ROBO1: variants seen among roughly 807,000 people sequenced by gnomAD.
ROBO1 encodes the protein roundabout guidance receptor 1, also known as roundabout homolog 1.
ROBO1 carries 149 observed loss-of-function variants against 195.9 expected under a neutral mutation model. The ratio of observed to expected loss-of-function variants is 0.76; its 90% confidence interval spans 0.67 to 0.87. The LOEUF (loss-of-function observed/expected upper bound fraction) is 0.87. Among genes scored for constraint, ROBO1 ranks in the 40% least tolerant of loss-of-function variants. The pLI, the probability that ROBO1 is intolerant of heterozygous loss-of-function variation, is 0.00. For synonymous variants in ROBO1, 816 were observed against 733.2 expected (o/e 1.11, Z -1.82); for missense variants, 1,933 against 2,068.3 (o/e 0.93, Z 1.27).
rs1381655116 is a variant in ROBO1 at position 79,116,393 on chromosome 3, CCTTCCTTG to C, written c.172+9055_172+9062del. 3.4e-5 allele frequency among the ~76,000 whole-genome samples: 5 copies of C among 146,760 alleles called. No individual in the cohort carries two copies. In the East Asian group the frequency reaches 9.9e-4, roughly 29 times the overall value. Reference sequence around the variant, plus strand: ...TTCTTTTCTTTCTTTCTCTCTCCTTCCTTCCTTGCTTCCTTCCTTCCTTCTCTATTTTC... The same window carrying C: ...TTCTTTTCTTTCTTTCTCTCTCCTTCCTTCCTTCCTTCCTTCTCTATTTTC... On this transcript the variant is annotated intron_variant, in intron 3 of 30. Transcript: ENST00000464233.
At chr3:78,621,590 T>A (rs1323423719) in intron 26 of ROBO1, among the ~76,000 whole-genome samples, 1 of 152,218 alleles carries the variant, frequency 6.6e-6, no homozygotes. Context: ...GATAAACATG[T>A]ACAGTTTGAA....
At chr3:79,028,586 A>C (rs2078241439) in intron 3 of ROBO1, among the ~76,000 whole-genome samples, 1 of 151,942 alleles carries the variant, frequency 6.6e-6, no homozygotes. Context: ...ATTTCATTTT[A>C]ATTATAGATA....
intron 2 of ROBO1, among the ~76,000 whole-genome samples, chr3:79,259,573 C>A (rs1178189150): frequency 6.6e-6 from 1 of 152,080 alleles, no homozygotes; most frequent in Non-Finnish European, 1.5e-5. Flanking sequence ...TCCCCACCTC[C>A]CCCTATGCCC....
intron 10 of ROBO1, among the ~76,000 whole-genome samples, chr3:78,672,478 G>A (rs918038427): frequency 2.0e-5 from 3 of 151,410 alleles, no homozygotes; most frequent in Non-Finnish European, 2.9e-5. Flanking sequence ...TGTAGTCCCA[G>A]CAACTTGACA....
chr3:79,591,119 T>TA (rs1444246554), intron 1 of ROBO1, among the ~76,000 whole-genome samples: 2 of 151,838 alleles, frequency 1.3e-5, no homozygotes, highest in African/African-American at 4.8e-5. Context: ...TGGAAAGACT[T>TA]AATCTTTTAA....
intron 2 of ROBO1, among the ~76,000 whole-genome samples, chr3:79,441,941 A>T (rs2107130003): frequency 6.6e-6 from 1 of 152,264 alleles, no homozygotes; most frequent in African/African-American, 2.4e-5. Flanking sequence ...TAGATATAGC[A>T]GAATTTGATT....
intron 2 of ROBO1, among the ~76,000 whole-genome samples, chr3:79,231,328 T>G (rs1428547137): frequency 1.3e-5 from 2 of 152,046 alleles, no homozygotes; most frequent in Admixed American, 1.3e-4. Flanking sequence ...CTGACAAAAG[T>G]CTAATATTCA....
At chr3:79,417,019 A>G (rs530904875) in intron 2 of ROBO1, among the ~76,000 whole-genome samples, 3 of 152,326 alleles carry the variant, frequency 2.0e-5, no homozygotes, top group African/African-American at 7.2e-5. Context: ...CTTTTCCAAC[A>G]TTAAATACCT....
chr3:78,960,785 C>CACACAA (rs1253128286), intron 3 of ROBO1, among the ~76,000 whole-genome samples: 6 of 40,330 alleles, frequency 1.5e-4, no homozygotes, highest in South Asian at 6.4e-4. Flanking sequence ...TTAAAACACA[C>CACACAA]ACACACACAC....
At chr3:79,285,028 C>G (rs2031798764) in intron 2 of ROBO1, among the ~76,000 whole-genome samples, 1 of 152,088 alleles carries the variant, frequency 6.6e-6, no homozygotes, top group Non-Finnish European at 1.5e-5. Flanking sequence ...TACCTATAAA[C>G]TAGTTTCTGT....
intron 2 of ROBO1, among the ~76,000 whole-genome samples, chr3:79,314,337 C>G (rs962134891): frequency 4.6e-5 from 7 of 152,186 alleles, no homozygotes; most frequent in Admixed American, 6.5e-5. Flanking sequence ...ATGGGAGAGA[C>G]CCGGTGGGAG....
chr3:79,483,993 C>G (rs1343390572), intron 2 of ROBO1, among the ~76,000 whole-genome samples: 1 of 152,106 alleles, frequency 6.6e-6, no homozygotes, highest in Non-Finnish European at 1.5e-5. Context: ...ATTTAAGCAT[C>G]AGGAGACCTA....
At chr3:79,380,900 T>C (rs2036545551) in intron 2 of ROBO1, among the ~76,000 whole-genome samples, 1 of 152,168 alleles carries the variant, frequency 6.6e-6, no homozygotes, top group South Asian at 2.1e-4. Context: ...AAGACTGTGC[T>C]ATCTTGAGTG....
At chr3:78,885,412 T>TAAAAAAAAAAAAAA (rs59912706) in intron 4 of ROBO1, among the ~76,000 whole-genome samples, 1 of 53,676 alleles carries the variant, frequency 1.9e-5, no homozygotes, top group Non-Finnish European at 3.2e-5. Flanking sequence ...AATTTAAAAC[T>TAAAAAAAAAAAAAA]AAAAAAAAAA....
intron 2 of ROBO1, among the ~76,000 whole-genome samples, chr3:79,425,274 T>C (rs988398535): frequency 7.2e-4 from 110 of 152,202 alleles, no homozygotes; most frequent in African/African-American, 2.5e-3. Flanking sequence ...GCTTCCTTGA[T>C]GGCGCAGTAA....
chr3:79,521,097 C>T (rs981726569), intron 2 of ROBO1, among the ~76,000 whole-genome samples: 1 of 152,084 alleles, frequency 6.6e-6, no homozygotes, highest in Non-Finnish European at 1.5e-5. Flanking sequence ...GTGGCTGGAA[C>T]CCCTTGTGAA....
intron 5 of ROBO1, among the ~76,000 whole-genome samples, chr3:78,723,494 T>C (rs2082090418): frequency 6.6e-6 from 1 of 152,204 alleles, no homozygotes; most frequent in East Asian, 1.9e-4. Context: ...TATATTTGCA[T>C]TGACACAGCA....
intron 4 of ROBO1, among the ~76,000 whole-genome samples, chr3:78,819,966 T>G (rs940451185): frequency 1.3e-5 from 2 of 152,224 alleles, no homozygotes; most frequent in African/African-American, 4.8e-5. Context: ...GGGATAGAAC[T>G]TTTAAAACTT....
chr3:78,807,061 G>A (rs2084566800), intron 4 of ROBO1, among the ~76,000 whole-genome samples: 1 of 152,080 alleles, frequency 6.6e-6, no homozygotes, highest in Non-Finnish European at 1.5e-5. Flanking sequence ...ACCCACCTCG[G>A]CCTCCCAAGG....
Sources: allele counts gnomAD v4.1 joint callset (sites outside exome capture counted in the v4.1 genomes callset), GRCh38; gene constraint gnomAD v4.1.1; transcripts MANE v1.5; gene names NCBI Gene and HGNC (gene_info 2026-07-23, HGNC 2026-07-21).